Variants in FBXW7 observed in about 807,000 individuals in gnomAD.
FBXW7 encodes F-box/WD repeat-containing protein 7.
A neutral mutation model predicts 86.3 loss-of-function variants in FBXW7; 11 were observed. That is an observed-to-expected ratio of 0.13 (90% CI 0.08 to 0.21). The LOEUF (loss-of-function observed/expected upper bound fraction) is 0.21. Among genes scored for constraint, FBXW7 ranks in the 10% least tolerant of loss-of-function variants. The pLI is 1.00. For synonymous variants in FBXW7, 313 were observed against 297.9 expected (o/e 1.05, Z -0.52); for missense variants, 488 against 847.4 (o/e 0.58, Z 5.27).
intron 4 of FBXW7, among the ~76,000 whole-genome samples, chr4:152,381,266 T>G (rs1735041640): frequency 1.3e-5 from 2 of 152,196 alleles, no homozygotes; most frequent in Middle Eastern, 6.8e-3. Context: ...ATTATTCTAT[T>G]TAATAGAATA....
chr4:152,492,717 G>A (rs1745980014), intron 2 of FBXW7, among the ~76,000 whole-genome samples: 2 of 152,146 alleles, frequency 1.3e-5, no homozygotes, highest in Non-Finnish European at 2.9e-5. Context: ...AGACTCTGGA[G>A]GAAAAGGTAT....
intron 2 of FBXW7, among the ~76,000 whole-genome samples, chr4:152,529,908 T>C (rs1749857880): frequency 6.6e-6 from 1 of 151,486 alleles, no homozygotes. Flanking sequence ...ACAAAAAAAT[T>C]AGTCGGGCAT....
intron 4 of FBXW7, among the ~76,000 whole-genome samples, chr4:152,379,510 CTCTCT>C (rs1734858402): frequency 6.6e-6 from 1 of 151,948 alleles, no homozygotes; most frequent in South Asian, 2.1e-4. Context: ...TTTTTTCTTT[CTCTCT>C]TCTAATTTTA....
At chr4:152,424,120 G>C (rs1399543670) in intron 2 of FBXW7, among the ~76,000 whole-genome samples, 1 of 152,080 alleles carries the variant, frequency 6.6e-6, no homozygotes, top group African/African-American at 2.4e-5. Flanking sequence ...TCCTGCCTCA[G>C]CCTCCCAAAA....
At chr4:152,369,371 T>G (rs1473307218) in intron 4 of FBXW7, among the ~76,000 whole-genome samples, 2 of 152,094 alleles carry the variant, frequency 1.3e-5, no homozygotes, top group Non-Finnish European at 2.9e-5. Context: ...TCTTAGGCAC[T>G]CTGCTTTTCT....
At chr4:152,433,658 T>G (rs879820978) in intron 2 of FBXW7, among the ~76,000 whole-genome samples, 1 of 152,198 alleles carries the variant, frequency 6.6e-6, no homozygotes, top group Non-Finnish European at 1.5e-5. Flanking sequence ...TGGTGACTGT[T>G]GCGCTCTACC....
At chr4:152,397,228 C>A (rs1736494068) in intron 4 of FBXW7, among the ~76,000 whole-genome samples, 1 of 151,900 alleles carries the variant, frequency 6.6e-6, no homozygotes, top group African/African-American at 2.4e-5. Flanking sequence ...TGAAACATAA[C>A]ACAGAAATTA....
intron 2 of FBXW7, among the ~76,000 whole-genome samples, chr4:152,517,918 T>C (rs558634964): frequency 6.6e-6 from 1 of 152,278 alleles, no homozygotes; most frequent in East Asian, 1.9e-4. Flanking sequence ...CTAAATTCTA[T>C]TTACCAGAAT....
intron 2 of FBXW7, among the ~76,000 whole-genome samples, chr4:152,418,714 C>A (rs1738670072): frequency 1.3e-5 from 2 of 152,170 alleles, no homozygotes; most frequent in African/African-American, 4.8e-5. Flanking sequence ...CTGCTACTCA[C>A]AGAAAAACAG....
chr4:152,349,730 G>A (rs1731620489), intron 5 of FBXW7, among the ~76,000 whole-genome samples: 2 of 151,738 alleles, frequency 1.3e-5, no homozygotes, highest in South Asian at 2.1e-4. Context: ...ATAGTAACAA[G>A]ACACAGGGGC....
intron 2 of FBXW7, among the ~76,000 whole-genome samples, chr4:152,423,417 T>A (rs1426063127): frequency 6.6e-6 from 1 of 152,214 alleles, no homozygotes; most frequent in East Asian, 1.9e-4. Flanking sequence ...TAAATTTTTA[T>A]TGATAATTTT....
chr4:152,452,219 C>T (rs997847838), intron 2 of FBXW7, among the ~76,000 whole-genome samples: 10 of 152,118 alleles, frequency 6.6e-5, no homozygotes, highest in African/African-American at 2.2e-4. Flanking sequence ...TATTTTCTAA[C>T]AGGGTAAATA....
At chr4:152,459,839 A>G (rs1387405002) in intron 2 of FBXW7, among the ~76,000 whole-genome samples, 1 of 152,220 alleles carries the variant, frequency 6.6e-6, no homozygotes, top group Admixed American at 6.5e-5. Context: ...TTGTGCTATA[A>G]TCACCTATTT....
intron 6 of FBXW7, 74 bp from the exon 7 acceptor site, chr4:152,338,010 C>T (rs2126587505): frequency 7.0e-7 from 1 of 1,427,014 alleles, no homozygotes; most frequent in Non-Finnish European, 9.5e-7. Context: ...GGAAAACTCA[C>T]ATCTACACAC....
intron 2 of FBXW7, among the ~76,000 whole-genome samples, chr4:152,503,145 CAATTA>C (rs1307170452): frequency 6.6e-6 from 1 of 152,130 alleles, no homozygotes; most frequent in Non-Finnish European, 1.5e-5. Context: ...GGAAGATATT[CAATTA>C]AGACACCATC....
intron 2 of FBXW7, among the ~76,000 whole-genome samples, chr4:152,419,277 G>A (rs994545790): frequency 1.3e-5 from 2 of 151,964 alleles, no homozygotes; most frequent in African/African-American, 2.4e-5. Flanking sequence ...TAAGCAAAAT[G>A]TATTACATTT....
intron 4 of FBXW7, among the ~76,000 whole-genome samples, chr4:152,356,166 T>C (rs961222985): frequency 6.6e-6 from 1 of 152,174 alleles, no homozygotes; most frequent in Admixed American, 6.5e-5. Flanking sequence ...ATTGTCATTA[T>C]TTTTATACAT....
chr4:152,375,439 T>G (rs1734413568), intron 4 of FBXW7, among the ~76,000 whole-genome samples: 1 of 152,020 alleles, frequency 6.6e-6, no homozygotes, highest in South Asian at 2.1e-4. Flanking sequence ...ATCACAGTTT[T>G]AAAACGATGA....
chr4:152,389,894 C>T (rs141678976), intron 4 of FBXW7, among the ~76,000 whole-genome samples: 1 of 151,994 alleles, frequency 6.6e-6, no homozygotes, highest in East Asian at 1.9e-4. Flanking sequence ...AAATAAAATG[C>T]ATTGTTTCAA....
Sources: gnomAD v4.1 joint callset for allele counts (sites outside exome capture counted in the v4.1 genomes callset) on GRCh38, gnomAD v4.1.1 for gene constraint, MANE v1.5 for transcripts, NCBI Gene and HGNC (gene_info 2026-07-23, HGNC 2026-07-21) for gene names.